The following METTL16 variants were observed in gnomAD, a reference collection of about 807,000 sequenced individuals.
The protein encoded by METTL16 is RNA N(6)-adenosine-methyltransferase METTL16.
METTL16 carries 19 observed loss-of-function variants against 57.9 expected under a neutral mutation model. The observed-to-expected ratio is 0.33, with a 90% confidence interval of 0.23 to 0.48. METTL16 has a LOEUF of 0.48. Among genes scored for constraint, METTL16 ranks in the 20% least tolerant of loss-of-function variants. The pLI, the probability that METTL16 is intolerant of heterozygous loss-of-function variation, is 0.99. For synonymous variants in METTL16, 246 were observed against 255.6 expected, an observed-to-expected ratio of 0.96 and a Z score of 0.36; for missense variants, 434 against 691.5, an observed-to-expected ratio of 0.63 and a Z score of 4.18.
In METTL16 at chr17:2,419,468, C is replaced by T. The variant is rs1216105275; in HGVS notation, c.*502G>A. The T allele has an allele frequency of 1.2e-5, 4 of 343,416 alleles. No homozygotes were observed. The East Asian group carries it at 2.4e-4, about 20-fold the overall frequency. The allele number at this position is 343,416 out of a possible 1,614,324, so 21.3% of individuals were successfully genotyped here. On this transcript the variant is annotated 3_prime_UTR_variant, in exon 10 of 10. Coordinates refer to ENST00000263092, the MANE Select transcript of METTL16 (RefSeq NM_024086.4). ...CTCTCCCAGATTCCCCACCACCCAC[C>T]ATACAGCTCCCTTTGTGGGATTGAT...
At chr17:2,433,134 T>C (rs76487540) in intron 8 of METTL16, among the ~76,000 whole-genome samples, 56 of 152,294 alleles carry the variant, frequency 3.7e-4, no homozygotes, top group African/African-American at 1.2e-3. Flanking sequence ...ATGTCCAGGT[T>C]CTATGGGCTG....
At chr17:2,444,347 G>A (rs764632967) in intron 6 of METTL16, among the ~76,000 whole-genome samples, 19 of 152,226 alleles carry the variant, frequency 1.2e-4, no homozygotes, top group Non-Finnish European at 2.2e-4. Flanking sequence ...CTACTCAGGA[G>A]GCTGACGCAG....
chr17:2,497,006 T>C (rs548554749), intron 2 of METTL16, among the ~76,000 whole-genome samples: 11 of 151,684 alleles, frequency 7.3e-5, no homozygotes, highest in Non-Finnish European at 1.0e-4. Flanking sequence ...TGTTGTTGTT[T>C]TTCTTTTTTA....
In METTL16 at chr17:2,420,450, A is replaced by T; in HGVS notation, c.1209T>A (p.Ile403=). ...REVPRAPEDV[I]QALEEKKPTP... The stretch of plus-strand genomic sequence containing the variant: ...TGGGCTTTTTCTCTTCCAAGGCCTG[A>T]ATGACGTCCTCAGGAGCTCGGGGAA... The change falls in exon 10 of 10, where the codon ATT becomes ATA. Residue 403 remains isoleucine, a synonymous_variant. Transcript: ENST00000263092. This position sits in a 1 kb window ranked among gnomAD's most constrained non-coding sequence, Gnocchi z 5.4. 1 of 1,614,118 alleles carries T rather than the reference A, an allele frequency of 6.2e-7. No individual in the cohort carries two copies. Among genetic ancestry groups the T allele is most frequent in the South Asian group, 1.1e-5 (1 of 91,084 alleles).
At chr17:2,492,914 A>AAAAC (rs1555621106) in intron 2 of METTL16, among the ~76,000 whole-genome samples, 1 of 143,562 alleles carries the variant, frequency 7.0e-6, no homozygotes, top group Non-Finnish European at 1.5e-5. Context: ...AAAAAAAAAA[A>AAAAC]AACAACAAAA....
At chr17:2,505,172 A>C (rs6502301) in intron 1 of METTL16, among the ~76,000 whole-genome samples, 120,242 of 151,260 alleles carry the variant, frequency 0.79, 50,178 homozygotes, top group Non-Finnish European at 0.93. Context: ...ATATATATAT[A>C]TCTCTCTCTG....
intron 8 of METTL16, among the ~76,000 whole-genome samples, chr17:2,426,728 C>CAAAAAAAAAAA (rs778818177): frequency 2.8e-5 from 1 of 35,176 alleles, no homozygotes; most frequent in Non-Finnish European, 6.0e-5. Flanking sequence ...GACTCCGTCT[C>CAAAAAAAAAAA]AAAAAAAAAA....
intron 6 of METTL16, among the ~76,000 whole-genome samples, chr17:2,456,506 G>A (rs1052248045): frequency 2.0e-5 from 3 of 152,122 alleles, no homozygotes; most frequent in Non-Finnish European, 2.9e-5. Flanking sequence ...ACAGGGTCTC[G>A]TTCTGTTGCC....
At chr17:2,432,572 A>T (rs1480394409) in intron 8 of METTL16, among the ~76,000 whole-genome samples, 2 of 147,802 alleles carry the variant, frequency 1.4e-5, no homozygotes, top group East Asian at 3.9e-4. Flanking sequence ...GTCTCAAAAT[A>T]AAAAAAAAAA....
rs547864019 is a variant in METTL16 at position 2,465,546 on chromosome 17, CAAAAAAAAA to C, written c.586-1205_586-1197del. Among the ~76,000 whole-genome samples the C allele has an allele frequency of 4.5e-4, 11 of 24,512 alleles. No individual in the cohort carries two copies. In the East Asian group the frequency reaches 0.016, roughly 36 times the overall value. 16.1% of individuals were successfully genotyped at this position (24,512 alleles called of 152,430 possible). ...TGGGCGACAGAGCAAGACTCCATCT[CAAAAAAAAA>C]AAAAAAAAAAAAAAAAGACAGATCA... On this transcript the variant is annotated intron_variant, in intron 5 of 9. Coordinates refer to ENST00000263092, the MANE Select transcript of METTL16 (RefSeq NM_024086.4).
intron 8 of METTL16, among the ~76,000 whole-genome samples, chr17:2,425,459 T>C (rs73976527): frequency 0.026 from 3,906 of 152,260 alleles, 164 homozygotes; most frequent in African/African-American, 0.087. Flanking sequence ...GGAATTACAA[T>C]GTGAGAGAAG....
In METTL16 at chr17:2,498,118, C is replaced by G. The variant is rs1030806116; in HGVS notation, c.128+4086G>C. On this transcript the variant is annotated intron_variant, in intron 2 of 9. Transcript: ENST00000263092. ...CTGAGGCAGGAGAATGGCGTGAACC[C>G]GGGAGGCAGAGCTTGCAGTGAGCCG... is the stretch of plus-strand genomic sequence containing the variant. 8.7e-5 allele frequency among the ~76,000 whole-genome samples: 13 copies of G among 149,598 alleles called. 1 individual carries two copies. The highest frequency in any genetic ancestry group is 2.7e-4 in the African/African-American group (11 of 40,212).
chr17:2,441,696 T>A (rs1308615955), intron 6 of METTL16, 137 bp from the exon 7 acceptor site: 3 of 472,954 alleles, frequency 6.3e-6, no homozygotes, highest in East Asian at 7.0e-5. Context: ...TATCAGGAAT[T>A]ACATACAATG....
intron 6 of METTL16, among the ~76,000 whole-genome samples, chr17:2,463,126 T>C (rs1156920927): frequency 1.3e-5 from 2 of 152,234 alleles, no homozygotes; most frequent in Non-Finnish European, 2.9e-5. Context: ...TTTCCCTTCA[T>C]TAAGTTCTTG....
intron 1 of METTL16, among the ~76,000 whole-genome samples, chr17:2,507,749 G>C: frequency 6.6e-6 from 1 of 152,228 alleles, no homozygotes; most frequent in Non-Finnish European, 1.5e-5. Context: ...GAAAGAGGTA[G>C]ACATGGGAGA....
In METTL16 at chr17:2,426,655, G is replaced by C. The variant is rs574321564; in HGVS notation, c.889-5751C>G. 4.7e-5 allele frequency among the ~76,000 whole-genome samples: 7 copies of C among 149,244 alleles called. No homozygotes were observed. In the South Asian group the frequency reaches 1.3e-3, roughly 27 times the overall value. On this transcript the variant is annotated intron_variant, in intron 8 of 9. Coordinates refer to ENST00000263092, the MANE Select transcript of METTL16 (RefSeq NM_024086.4). Reference sequence around the variant, plus strand: ...GAGGCAGGAGAATTGCTCGAACCAGGGAGTCGGAGGTTGCAGTGAGCCGAG... The same window carrying C: ...GAGGCAGGAGAATTGCTCGAACCAGCGAGTCGGAGGTTGCAGTGAGCCGAG...
At chr17:2,470,310 A>G (rs1419691833) in intron 4 of METTL16, among the ~76,000 whole-genome samples, 1 of 67,480 alleles carries the variant, frequency 1.5e-5, no homozygotes, top group Non-Finnish European at 2.6e-5. Context: ...AATGAAAAAG[A>G]AAAAAAAAAC....
At chr17:2,491,692 G>T (rs567259008) in intron 2 of METTL16, among the ~76,000 whole-genome samples, 1 of 151,046 alleles carries the variant, frequency 6.6e-6, no homozygotes, top group Non-Finnish European at 1.5e-5. Flanking sequence ...TGGCTAACAC[G>T]GTGAAACCCC....
intron 3 of METTL16, among the ~76,000 whole-genome samples, chr17:2,474,109 C>T (rs1329389672): frequency 1.3e-5 from 2 of 152,022 alleles, no homozygotes; most frequent in Non-Finnish European, 2.9e-5. Context: ...AACACACAAG[C>T]AGAGGTCGAG....
Sources: gnomAD v4.1 joint callset for allele counts (sites outside exome capture counted in the v4.1 genomes callset) on GRCh38, gnomAD v4.1.1 for gene constraint, Gnocchi (gnomAD v3.1) non-coding constraint, MANE v1.5 for transcripts, NCBI Gene and HGNC (gene_info 2026-07-23, HGNC 2026-07-21) for gene names.